Variants in KIAA1549L observed in about 807,000 individuals in gnomAD.
KIAA1549L encodes the protein UPF0606 protein KIAA1549L.
A neutral mutation model predicts 160.7 loss-of-function variants in KIAA1549L; 88 were observed. That is an observed-to-expected ratio of 0.55 (90% CI 0.46 to 0.65). The LOEUF is 0.65. Among genes scored for constraint, KIAA1549L ranks in the 30% least tolerant of loss-of-function variants. The pLI is 0.00. For synonymous variants in KIAA1549L, 950 were observed against 976.7 expected (o/e 0.97, Z 0.51); for missense variants, 2,258 against 2,437.5 (o/e 0.93, Z 1.55).
chr11:33,454,156 A>C (rs1483260143), intron 1 of KIAA1549L, among the ~76,000 whole-genome samples: 1 of 152,254 alleles, frequency 6.6e-6, no homozygotes, highest in Admixed American at 6.5e-5. Flanking sequence ...AAGTAAGCGG[A>C]GGAGACTCTG....
intron 1 of KIAA1549L, among the ~76,000 whole-genome samples, chr11:33,491,555 T>C (rs1197713136): frequency 4.6e-5 from 7 of 152,220 alleles, no homozygotes; most frequent in Admixed American, 4.6e-4. Flanking sequence ...TTTTCCTGTA[T>C]GTACCAGGTT....
intron 1 of KIAA1549L, among the ~76,000 whole-genome samples, chr11:33,467,335 A>G (rs773713361): frequency 2.0e-5 from 3 of 152,224 alleles, no homozygotes; most frequent in African/African-American, 4.8e-5. Context: ...TGTGATTAAC[A>G]AGTAGGAAAC....
At chr11:33,591,072 G>T (rs368570648) in intron 11 of KIAA1549L, among the ~76,000 whole-genome samples, 165 bp from the exon 12 acceptor site, 29 of 152,208 alleles carry the variant, frequency 1.9e-4, no homozygotes, top group African/African-American at 7.0e-4. Context: ...CATGGATTCT[G>T]ATTTTGAAGA....
In KIAA1549L at chr11:33,648,275, C is replaced by T. The variant is rs139384849; in HGVS notation, c.5760+2239C>T. Among the ~76,000 whole-genome samples, 1,381 of 152,146 alleles carry T rather than the reference C, an allele frequency of 9.1e-3. 12 individuals are homozygous for T. Among genetic ancestry groups the T allele is most frequent in the African/African-American group, 0.032 (1,335 of 41,502 alleles). ...CCTCCCAAAGTGCTGGGATTACAGG[C>T]GTGAGCCATCATGGCTGGCCGAATC... On this transcript the variant is annotated intron_variant, in intron 17 of 20. Transcript: ENST00000658780.
intron 1 of KIAA1549L, among the ~76,000 whole-genome samples, chr11:33,476,695 C>T (rs1486308266): frequency 6.6e-6 from 1 of 152,132 alleles, no homozygotes; most frequent in Admixed American, 6.6e-5. Context: ...AGCGCATTGC[C>T]CCCAACCTCC....
At chr11:33,629,530 C>T (rs1160790086) in intron 16 of KIAA1549L, among the ~76,000 whole-genome samples, 1 of 151,762 alleles carries the variant, frequency 6.6e-6, no homozygotes, top group Non-Finnish European at 1.5e-5. Context: ...CGCTTCATTT[C>T]ATTCATTTCA....
At chr11:33,420,051 A>G (rs919371276) in intron 1 of KIAA1549L, among the ~76,000 whole-genome samples, 1 of 152,114 alleles carries the variant, frequency 6.6e-6, no homozygotes, top group Non-Finnish European at 1.5e-5. Flanking sequence ...TATATTGTAC[A>G]CTGGAGCTTT....
intron 1 of KIAA1549L, among the ~76,000 whole-genome samples, chr11:33,383,272 T>C (rs886238110): frequency 6.7e-6 from 1 of 148,236 alleles, no homozygotes; most frequent in Non-Finnish European, 1.5e-5. Flanking sequence ...TTTCTTTCTT[T>C]CTTTTTTTTT....
At position 33,447,623 on chromosome 11, in the gene KIAA1549L, G is replaced by GCACACACACACACA. The variant is rs56839961; in HGVS notation, c.238+70745_238+70758dup. 2.1e-3 allele frequency among the ~76,000 whole-genome samples: 304 copies of GCACACACACACACA among 147,350 alleles called. 1 individual carries two copies. Among genetic ancestry groups the GCACACACACACACA allele is most frequent in the South Asian group, 5.1e-3 (23 of 4,554 alleles). ...TCATTGTATACATGCACATGAACTT[G>GCACACACACACACA]CACACACACACACACACACACACAA... is the stretch of plus-strand genomic sequence containing the variant. On this transcript the variant is annotated intron_variant, in intron 1 of 20. Transcript: ENST00000658780.
chr11:33,620,014 A>C (rs1290731764), intron 16 of KIAA1549L, among the ~76,000 whole-genome samples: 1 of 150,596 alleles, frequency 6.6e-6, no homozygotes, highest in East Asian at 2.0e-4. Flanking sequence ...TTATTTCAAG[A>C]TTGGCATTAA....
intron 20 of KIAA1549L, among the ~76,000 whole-genome samples, chr11:33,666,473 G>A (rs1051449248): frequency 8.5e-5 from 13 of 152,120 alleles, no homozygotes; most frequent in African/African-American, 2.7e-4. Context: ...CTAAGCTGCC[G>A]AGTCCTCCCA....
At position 33,659,733 on chromosome 11, in the gene KIAA1549L, G is replaced by A. The variant is rs1407057745; in HGVS notation, c.6007+835G>A. On this transcript the variant is annotated intron_variant, in intron 19 of 20. Coordinates refer to ENST00000658780, the MANE Select transcript of KIAA1549L (RefSeq NM_012194.3). Reference sequence around the variant, plus strand: ...CGCTTTAAAAATACACACTCTCCTGGGAGGAAAACACCTGACCACCAAGGT... The same window carrying A: ...CGCTTTAAAAATACACACTCTCCTGAGAGGAAAACACCTGACCACCAAGGT... Among the ~76,000 whole-genome samples, 4 of 152,142 alleles carry A rather than the reference G, an allele frequency of 2.6e-5. No individual in the cohort carries two copies. The South Asian group carries it at 8.3e-4, about 32-fold the overall frequency.
rs531547681 is a variant in KIAA1549L, at chr11:33,467,958, T to A, written c.239-73844T>A. On this transcript the variant is annotated intron_variant, in intron 1 of 20. Transcript: ENST00000658780. ...GAGCTCCTTGGAGTAGGGCATTGAG[T>A]GTTTGCAGCCACCCTGTCATTAATT... Among the ~76,000 whole-genome samples, 5 of 152,306 alleles carry A rather than the reference T, an allele frequency of 3.3e-5. No homozygotes were observed. In the South Asian group the frequency reaches 1.0e-3, roughly 32 times the overall value.
chr11:33,626,072 A>C (rs970148528), intron 16 of KIAA1549L, among the ~76,000 whole-genome samples: 3 of 150,318 alleles, frequency 2.0e-5, no homozygotes, highest in African/African-American at 7.5e-5. Flanking sequence ...ATAGTTGTAG[A>C]TATGCGGCAT....
intron 1 of KIAA1549L, among the ~76,000 whole-genome samples, chr11:33,512,779 C>A (rs1404166265): frequency 6.6e-6 from 1 of 152,152 alleles, no homozygotes; most frequent in Admixed American, 6.5e-5. Context: ...GTTCTCACAT[C>A]AGTTACATGA....
intron 1 of KIAA1549L, among the ~76,000 whole-genome samples, chr11:33,540,153 TTG>T (rs745637037): frequency 6.6e-6 from 1 of 152,000 alleles, no homozygotes; most frequent in Non-Finnish European, 1.5e-5. Context: ...TGCAGAATTT[TTG>T]TGTGTGTGTG....
intron 20 of KIAA1549L, among the ~76,000 whole-genome samples, chr11:33,661,418 C>T (rs368429545): frequency 1.3e-5 from 2 of 152,080 alleles, no homozygotes. Flanking sequence ...AAATCAGGGC[C>T]GAGTCAGGGG....
chr11:33,617,718 C>T (rs1211498168), intron 15 of KIAA1549L, among the ~76,000 whole-genome samples: 2 of 152,184 alleles, frequency 1.3e-5, no homozygotes, highest in African/African-American at 4.8e-5. Flanking sequence ...CTGTTTTGTT[C>T]ACTGTGGATG....
At chr11:33,406,045 T>G (rs565308273) in intron 1 of KIAA1549L, among the ~76,000 whole-genome samples, 1 of 152,160 alleles carries the variant, frequency 6.6e-6, no homozygotes, top group African/African-American at 2.4e-5. Context: ...CCTTGAATGA[T>G]TCTGGCAGTT....
Sources: gnomAD v4.1 joint callset for allele counts (sites outside exome capture counted in the v4.1 genomes callset) on GRCh38, gnomAD v4.1.1 for gene constraint, MANE v1.5 for transcripts, NCBI Gene and HGNC (gene_info 2026-07-23, HGNC 2026-07-21) for gene names.